Variants in L3MBTL1 observed in about 807,000 individuals in gnomAD.
L3MBTL1 encodes the protein lethal(3)malignant brain tumor-like protein 1.
A neutral mutation model predicts 105.3 loss-of-function variants in L3MBTL1; 75 were observed. That is an observed-to-expected ratio of 0.71 (90% CI 0.59 to 0.86). The LOEUF (loss-of-function observed/expected upper bound fraction) is 0.86. L3MBTL1 is among the 40% of genes least tolerant of loss of function. The pLI is 0.00. For synonymous variants in L3MBTL1, 452 were observed against 436.2 expected (o/e 1.04, Z -0.45); for missense variants, 1,069 against 1,126.4 (o/e 0.95, Z 0.73).
rs2018347638 is a variant in L3MBTL1 at position 43,515,577 on chromosome 20, C to T, written c.777+162C>T. The stretch of plus-strand genomic sequence containing the variant: ...TCCCATCCTGAGTTAGGTCCTATAC[C>T]TGGTTAAAGGGAAATGAATTAATCA... On this transcript the variant is annotated intron_variant, in intron 6 of 21. Transcript: ENST00000418998. 10 of 816,064 alleles carry T rather than the reference C, an allele frequency of 1.2e-5. No individual in the cohort carries two copies. The South Asian group carries it at 1.9e-4, about 16-fold the overall frequency. The allele number at this position is 816,064 out of a possible 1,614,324, so 50.6% of individuals were successfully genotyped here. A position where few individuals can be genotyped will look rare whatever the true frequency, so the allele number is the denominator to read the frequency against.
At chr20:43,514,159 C>A in intron 3 of L3MBTL1, 98 bp downstream of exon 3, 1 of 1,115,892 alleles carries the variant, frequency 9.0e-7, no homozygotes, top group Non-Finnish European at 1.3e-6. Flanking sequence ...GTGGGGGAAG[C>A]TGGCTCAGAT....
At chr20:43,531,159 C>T (rs2019317018) in intron 11 of L3MBTL1, 2 of 451,960 alleles carry the variant, frequency 4.4e-6, no homozygotes, top group Admixed American at 7.9e-5. Flanking sequence ...GGCCCACTAC[C>T]CTAGTCTGAG....
chr20:43,534,749 C>T, intron 15 of L3MBTL1, 79 bp from the exon 16 acceptor site: 1 of 994,524 alleles, frequency 1.0e-6, no homozygotes, highest in Non-Finnish European at 1.5e-6. Context: ...CTGACAGGTC[C>T]CAGGGATGGG....
intron 13 of L3MBTL1, 114 bp downstream of exon 13, chr20:43,533,532 A>G (rs528234850): frequency 1.1e-5 from 9 of 834,962 alleles, no homozygotes; most frequent in Middle Eastern, 5.5e-4. Flanking sequence ...AGGGTGAGAG[A>G]ACAGACATGT....
intron 11 of L3MBTL1, chr20:43,531,244 A>G: frequency 4.8e-6 from 1 of 206,574 alleles, no homozygotes; most frequent in Non-Finnish European, 9.8e-6. Flanking sequence ...CAATGCCTCT[A>G]TTCTGGGAGC....
At chr20:43,530,471 C>T (rs755982017) in intron 10 of L3MBTL1, 52 bp downstream of exon 10, 38 of 1,573,366 alleles carry the variant, frequency 2.4e-5, no homozygotes, top group Middle Eastern at 1.7e-4. Context: ...TCAGACCCTT[C>T]GCTTCTTCCC....
chr20:43,511,549 AG>A (rs1487834679), intron 1 of L3MBTL1, among the ~76,000 whole-genome samples: 1 of 152,124 alleles, frequency 6.6e-6, no homozygotes, highest in Non-Finnish European at 1.5e-5. Flanking sequence ...TGGGAGGCCG[AG>A]GTGGGCGGAT....
At chr20:43,534,977 TC>T (rs1418533131) in intron 16 of L3MBTL1, 35 bp downstream of exon 16, 7 of 1,437,238 alleles carry the variant, frequency 4.9e-6, no homozygotes, top group African/African-American at 1.4e-5. Flanking sequence ...TCTTTTCCTT[TC>T]CCCCCAGGTT....
chr20:43,516,223 A>G (rs1034533395), intron 7 of L3MBTL1, 46 bp downstream of exon 7: 2 of 1,429,728 alleles, frequency 1.4e-6, no homozygotes, highest in Admixed American at 3.4e-5. Context: ...GTGTGTATAT[A>G]CCTTTGGAGG....
intron 1 of L3MBTL1, among the ~76,000 whole-genome samples, chr20:43,508,504 C>CTA (rs2018046396): frequency 6.6e-6 from 1 of 152,220 alleles, no homozygotes. Flanking sequence ...CACCCAACAC[C>CTA]TATAGTAAGG....
At chr20:43,531,254 C>A in intron 11 of L3MBTL1, 1 of 193,766 alleles carries the variant, frequency 5.2e-6, no homozygotes, top group Non-Finnish European at 1.1e-5. Context: ...ATTCTGGGAG[C>A]TTCTTTTTCT....
intron 11 of L3MBTL1, 178 bp from the exon 12 acceptor site, chr20:43,532,595 A>C (rs1431735565): frequency 1.6e-6 from 1 of 624,564 alleles, no homozygotes; most frequent in African/African-American, 1.8e-5. Flanking sequence ...TGAGTGCCTC[A>C]GGGCTCAGGT....
chr20:43,508,190 CTCTCT>C (rs2018035584), intron 1 of L3MBTL1, among the ~76,000 whole-genome samples: 2 of 148,708 alleles, frequency 1.3e-5, no homozygotes, highest in African/African-American at 5.0e-5. Flanking sequence ...TTTTGTTTCT[CTCTCT>C]TTTTTTTTTT....
chr20:43,524,086 C>CAGAGTTTTTCTTTGTTTATT (rs1318033397), intron 7 of L3MBTL1, among the ~76,000 whole-genome samples: 2 of 151,878 alleles, frequency 1.3e-5, no homozygotes, highest in East Asian at 3.8e-4. Context: ...CTCAGCCTCC[C>CAGAGTTTTTCTTTGTTTATT]AGAGTTTTTC....
At chr20:43,530,682 T>C in intron 10 of L3MBTL1, 116 bp from the exon 11 acceptor site, 1 of 1,001,396 alleles carries the variant, frequency 1.0e-6, no homozygotes. Context: ...GGGCAAGTTC[T>C]TGAGGGTTGG....
chr20:43,517,463 C>T (rs910492220), intron 7 of L3MBTL1, among the ~76,000 whole-genome samples: 8 of 151,784 alleles, frequency 5.3e-5, no homozygotes, highest in African/African-American at 1.9e-4. Context: ...GCGTGTAGAG[C>T]TGTTCACAGA....
At chr20:43,511,505 G>C (rs779553442) in intron 1 of L3MBTL1, among the ~76,000 whole-genome samples, 38 of 152,176 alleles carry the variant, frequency 2.5e-4, no homozygotes, top group Non-Finnish European at 1.8e-4. Context: ...GGTCAGGCCG[G>C]ACTCGATGGC....
At chr20:43,514,321 G>C in intron 3 of L3MBTL1, 1 of 1,032,110 alleles carries the variant, frequency 9.7e-7, no homozygotes, top group Non-Finnish European at 1.4e-6. Context: ...GCTTAGACTG[G>C]GGCACCCTGA....
At chr20:43,540,659 G>C in intron 20 of L3MBTL1, 94 bp from the exon 21 acceptor site, 1 of 1,199,236 alleles carries the variant, frequency 8.3e-7, no homozygotes, top group African/African-American at 1.5e-5. Context: ...AAGCAGCATT[G>C]GCACAGCTCA....
Sources: gnomAD v4.1 joint callset for allele counts (sites outside exome capture counted in the v4.1 genomes callset) on GRCh38, gnomAD v4.1.1 for gene constraint, MANE v1.5 for transcripts, NCBI Gene and HGNC (gene_info 2026-07-23, HGNC 2026-07-21) for gene names.